The following OTOG variants were observed in gnomAD, a reference collection of about 807,000 sequenced individuals.
OTOG encodes the protein otogelin.
A neutral mutation model predicts 313.8 loss-of-function variants in OTOG; 296 were observed. The observed-to-expected ratio is 0.94, with a 90% CI of 0.86 to 1.04. The LOEUF is 1.04. Ranked by LOEUF, OTOG falls within the 50% of genes least tolerant of loss-of-function variation. OTOG has a pLI of 0.00. For synonymous variants in OTOG, 1,533 were observed against 1,554.9 expected (o/e 0.99, Z 0.33); for missense variants, 3,948 against 3,840.1 (o/e 1.03, Z -0.74).
At chr11:17,641,153 T>C (rs1847963210) in intron 51 of OTOG, 62 bp downstream of exon 51, 1 of 1,481,334 alleles carries the variant, frequency 6.8e-7, no homozygotes, top group South Asian at 1.3e-5. Flanking sequence ...AGACCTTGGG[T>C]GCTCCAGGAG....
chr11:17,603,240 C>T (rs994894223), intron 32 of OTOG, among the ~76,000 whole-genome samples: 10 of 152,116 alleles, frequency 6.6e-5, no homozygotes, highest in South Asian at 6.2e-4. Flanking sequence ...AGGAGTCAGG[C>T]ACTGGGCCGC....
At position 17,612,183 on chromosome 11, in the gene OTOG, G is replaced by A. The variant is rs1438322234; in HGVS notation, c.6145G>A (p.Val2049Ile). The A allele has an allele frequency of 9.0e-6, 14 of 1,549,558 alleles. No individual in the cohort carries two copies. Among genetic ancestry groups the A allele is most frequent in the South Asian group, 2.4e-5 (2 of 84,058 alleles). Reference protein sequence around the residue: ...TCVPIAEQDCVRHICLEGQLI... With the variant: ...TCVPIAEQDCIRHICLEGQLI... ...CCAGCCAATCGCCGAGCAGGACTGC[G>A]TCCGCCACATCTGCCTGGAGGGCCA... is the stretch of plus-strand genomic sequence containing the variant. The change falls in exon 37 of 56, where the codon GTC (valine) becomes ATC (isoleucine). Residue 2049 changes from valine (V) to isoleucine (I), a missense_variant. Coordinates refer to ENST00000399397, the MANE Select transcript of OTOG (RefSeq NM_001292063.2).
chr11:17,635,877 G>A (rs946710778), intron 47 of OTOG, among the ~76,000 whole-genome samples, 166 bp downstream of exon 47: 33 of 152,344 alleles, frequency 2.2e-4, no homozygotes, highest in Admixed American at 2.0e-3. Flanking sequence ...CCCACCTGAA[G>A]AAGCTGGGTC....
At chr11:17,640,853 C>T in intron 50 of OTOG, 33 bp downstream of exon 50, 1 of 1,549,926 alleles carries the variant, frequency 6.5e-7, no homozygotes, top group Non-Finnish European at 8.7e-7. Context: ...CAGAGCCATG[C>T]AGGAGGGGCA....
intron 23 of OTOG, among the ~76,000 whole-genome samples, chr11:17,583,213 C>A (rs961717573): frequency 2.0e-5 from 3 of 152,118 alleles, no homozygotes; most frequent in African/African-American, 7.2e-5. Flanking sequence ...CGGCTCACAG[C>A]AGCCTTGAAC....
chr11:17,592,820 A>T (rs1202160977), intron 25 of OTOG, among the ~76,000 whole-genome samples: 1 of 152,246 alleles, frequency 6.6e-6, no homozygotes, highest in African/African-American at 2.4e-5. Context: ...ATTGCTGTAT[A>T]AAAAGCTACA....
rs79585207 is a variant in OTOG, at chr11:17,554,706, T to A, written c.541-1073T>A. ...GGATGGGCGGGGAACTGCAACCAAT[T>A]TTCCTCTCTCTGCCTCGGCCTATCA... On this transcript the variant is annotated intron_variant, in intron 6 of 55. Transcript: ENST00000399397. 2.6e-3 allele frequency among the ~76,000 whole-genome samples: 392 copies of A among 152,330 alleles called. 3 individuals carry two copies. The highest frequency in any genetic ancestry group is 9.1e-3 in the African/African-American group (377 of 41,588).
chr11:17,579,101 G>C (rs1852607225), intron 23 of OTOG, among the ~76,000 whole-genome samples: 1 of 152,200 alleles, frequency 6.6e-6, no homozygotes, highest in East Asian at 1.9e-4. Context: ...ACACCGACGT[G>C]GCCCAGGGCC....
intron 47 of OTOG, 30 bp downstream of exon 47, chr11:17,635,741 G>C: frequency 6.6e-7 from 1 of 1,524,406 alleles, no homozygotes; most frequent in Non-Finnish European, 8.9e-7. Flanking sequence ...ATGGCGGGCT[G>C]CGGCAGGAAG....
chr11:17,550,037 G>C (rs1851900803), intron 3 of OTOG, among the ~76,000 whole-genome samples: 1 of 152,124 alleles, frequency 6.6e-6, no homozygotes, highest in Admixed American at 6.5e-5. Flanking sequence ...TCCATGGATG[G>C]GGGAAAATAA....
intron 48 of OTOG, among the ~76,000 whole-genome samples, 183 bp from the exon 49 acceptor site, chr11:17,639,237 CCTT>C (rs936147414): frequency 6.6e-6 from 1 of 152,140 alleles, no homozygotes; most frequent in African/African-American, 2.4e-5. Context: ...GAGCTGCAGG[CCTT>C]CTCCTGCCCC....
At position 17,641,833 on chromosome 11, in the gene OTOG, G is replaced by T; in HGVS notation, c.8191-14G>T. 3.2e-6 allele frequency: 5 copies of T among 1,542,554 alleles called. No individual in the cohort carries two copies. Among genetic ancestry groups the T allele is most frequent in the East Asian group, 2.4e-5 (1 of 40,856 alleles). Reference sequence around the variant, plus strand: ...TGGGCATCTGGCTGAGGCCCACCCCGCCCTGGCCTGTAGAACCAGGAGTAC... The same window carrying T: ...TGGGCATCTGGCTGAGGCCCACCCCTCCCTGGCCTGTAGAACCAGGAGTAC... On this transcript the variant is annotated splice_polypyrimidine_tract_variant and intron_variant, in intron 51 of 55. Coordinates refer to ENST00000399397, the MANE Select transcript of OTOG (RefSeq NM_001292063.2).
chr11:17,632,003 G>T, intron 41 of OTOG, 81 bp downstream of exon 41: 4 of 1,541,246 alleles, frequency 2.6e-6, no homozygotes, highest in Non-Finnish European at 3.5e-6. Context: ...GAGGCTCATT[G>T]TTCCTTTTGG....
rs1249019783 is a variant in OTOG, at chr11:17,608,304, C to A, written c.4165C>A (p.Pro1389Thr). 6.5e-6 allele frequency: 10 copies of A among 1,530,466 alleles called. No individual in the cohort carries two copies. The highest frequency in any genetic ancestry group is 8.8e-6 in the Non-Finnish European group (10 of 1,137,654). The allele number at this position is 1,530,466 out of a possible 1,614,324, so 94.8% of individuals were successfully genotyped here. A position where few individuals can be genotyped will look rare whatever the true frequency, so the allele number is the denominator to read the frequency against. ...CCCATCTCACTTTCTAGATGCCAAG[C>A]CCTCGGGGGCTGCCTACCCCATCTG... ...GTLFRLLDAKPSGAAYPICEW... is the reference protein window; with the variant it reads ...GTLFRLLDAKTSGAAYPICEW... The change falls in exon 34 of 56, where the codon CCC becomes ACC. Residue 1389 changes from proline to threonine, a missense_variant. Coordinates refer to ENST00000399397, the MANE Select transcript of OTOG (RefSeq NM_001292063.2).
At chr11:17,629,112 C>T in intron 39 of OTOG, 21 bp from the exon 40 acceptor site, 1 of 1,546,206 alleles carries the variant, frequency 6.5e-7, no homozygotes, top group South Asian at 1.2e-5. Context: ...AAGCTGTGCT[C>T]ACACTGAATT....
Position 17,645,554 on chromosome 11 carries a change from GT to G in OTOG, c.8462-9del. On this transcript the variant is annotated splice_polypyrimidine_tract_variant and intron_variant, in intron 54 of 55. Transcript: ENST00000399397. Reference sequence around the variant, plus strand: ...TTGGCCACAGCTGCCTCATCCCCCTGTCCCCCCAGGTAAGGAGGATGGGCGC... The same window carrying G: ...TTGGCCACAGCTGCCTCATCCCCCTGCCCCCCAGGTAAGGAGGATGGGCGC... 6.5e-7 allele frequency: 1 copy of G among 1,550,178 alleles called. No individual in the cohort carries two copies. Among genetic ancestry groups the G allele is most frequent in the Non-Finnish European group, 8.7e-7 (1 of 1,146,792 alleles).
At chr11:17,607,580 C>A (rs1450640899) in intron 33 of OTOG, among the ~76,000 whole-genome samples, 7 of 152,236 alleles carry the variant, frequency 4.6e-5, no homozygotes, top group African/African-American at 1.7e-4. Flanking sequence ...ATGAGTAAAT[C>A]CGTGTGAGAT....
chr11:17,604,716 A>T (rs897954340), intron 32 of OTOG, among the ~76,000 whole-genome samples: 1 of 152,232 alleles, frequency 6.6e-6, no homozygotes, highest in Non-Finnish European at 1.5e-5. Flanking sequence ...CAGTGCCTAG[A>T]ACAGGGCCTG....
At chr11:17,609,299 C>T in intron 35 of OTOG, 90 bp downstream of exon 35, 1 of 1,203,132 alleles carries the variant, frequency 8.3e-7, no homozygotes, top group Non-Finnish European at 1.2e-6. Context: ...GCTCCCAGGT[C>T]CCAGAGAAGC....
Sources: allele counts gnomAD v4.1 joint callset (sites outside exome capture counted in the v4.1 genomes callset), GRCh38; gene constraint gnomAD v4.1.1; transcripts MANE v1.5; gene names NCBI Gene and HGNC (gene_info 2026-07-23, HGNC 2026-07-21).